Variants in AOPEP observed in about 807,000 individuals in gnomAD.
AOPEP encodes aminopeptidase O.
A neutral mutation model predicts 98.1 loss-of-function variants in AOPEP; 77 were observed. The ratio of observed to expected loss-of-function variants is 0.78; its 90% confidence interval spans 0.65 to 0.95. The LOEUF (loss-of-function observed/expected upper bound fraction) is 0.95, where lower values mean the gene tolerates loss of function less well. Ranked by LOEUF, AOPEP falls within the 40% of genes least tolerant of loss-of-function variation. The pLI, the probability that AOPEP is intolerant of heterozygous loss-of-function variation, is 0.00. For missense variants in AOPEP, 1,024 were observed against 1,024.7 expected (o/e 1.00, Z 0.01); for synonymous variants, 346 against 365.3 (o/e 0.95, Z 0.60).
At chr9:95,111,342 C>T in the AOPEP span, 1 of 1,598,042 alleles carries the variant, frequency 6.3e-7, no homozygotes, top group Non-Finnish European at 8.5e-7. Context: ...ATGACATATG[C>T]CATCTGTGGG....
intron 7 of AOPEP, chr9:94,933,472 T>G (rs941526083): frequency 1.0e-6 from 1 of 985,302 alleles, no homozygotes; most frequent in African/African-American, 1.7e-5. Flanking sequence ...TTTAAGGAGG[T>G]GCAACAGGCA....
At chr9:94,997,880 G>C (rs1387288659) in intron 11 of AOPEP, among the ~76,000 whole-genome samples, 4 of 151,826 alleles carry the variant, frequency 2.6e-5, no homozygotes, top group Non-Finnish European at 2.9e-5. Context: ...TTCATTTTTT[G>C]TAGAGATGGG....
chr9:94,914,326 C>A (rs528696760), intron 5 of AOPEP, among the ~76,000 whole-genome samples: 1 of 152,290 alleles, frequency 6.6e-6, no homozygotes, highest in African/African-American at 2.4e-5. Flanking sequence ...TCTGAAAGGA[C>A]CAGCTCCGAT....
chr9:95,141,205 G>T, the AOPEP span, among the ~76,000 whole-genome samples: 51 of 151,208 alleles, frequency 3.4e-4, no homozygotes, highest in African/African-American at 1.1e-3. Flanking sequence ...CCAGCCACTC[G>T]GGAGGCTGAG....
intron 5 of AOPEP, chr9:94,921,054 A>G (rs1403510624): frequency 2.0e-5 from 3 of 147,688 alleles, no homozygotes; most frequent in African/African-American, 7.6e-5. Flanking sequence ...GGGAAAAATA[A>G]TCAACTCTGT....
chr9:95,086,399 G>T lies in AOPEP; in HGVS notation c.*5-283G>T, dbSNP rs116101278. 9.0e-4 allele frequency: 884 copies of T among 985,436 alleles called. 14 individuals carry two copies. The African/African-American group carries it at 0.014, about 15-fold the overall frequency. 61.0% of individuals were successfully genotyped at this position (985,436 alleles called of 1,614,324 possible). A position where few individuals can be genotyped will look rare whatever the true frequency, so the allele number is the denominator to read the frequency against. ...GGCGAGGTGAGCTGAGACTTTCTGA[G>T]AACAGTTAGAGTGGGTGCGTGTCTG... is the stretch of plus-strand genomic sequence containing the variant. On this transcript the variant is annotated intron_variant, in intron 16 of 16. Coordinates refer to ENST00000375315, the MANE Select transcript of AOPEP (RefSeq NM_001193329.3).
At chr9:95,029,605 G>C (rs1388878657) in intron 13 of AOPEP, among the ~76,000 whole-genome samples, 1 of 152,122 alleles carries the variant, frequency 6.6e-6, no homozygotes, top group Non-Finnish European at 1.5e-5. Context: ...GCACTGATTG[G>C]AGTTTCTAAG....
intron 13 of AOPEP, among the ~76,000 whole-genome samples, chr9:95,016,659 C>G (rs910447345): frequency 1.3e-5 from 2 of 151,836 alleles, no homozygotes; most frequent in African/African-American, 4.8e-5. Context: ...GTCACCCAGG[C>G]TTAAGTCCAA....
At chr9:94,806,907 G>A (rs2133880317) in intron 5 of AOPEP, among the ~76,000 whole-genome samples, 1 of 152,326 alleles carries the variant, frequency 6.6e-6, no homozygotes, top group African/African-American at 2.4e-5. Flanking sequence ...CTTAGAAGCA[G>A]GAAGTCAGGG....
chr9:95,076,330 A>C lies in AOPEP; in HGVS notation c.2233-4364A>C, dbSNP rs140125853. ...ATGTACACACTGATCTGGACACCCC[A>C]CATCTAGGAAGTTGCACACAGATAC... On this transcript the variant is annotated intron_variant, in intron 14 of 16. Transcript: ENST00000375315. Among the ~76,000 whole-genome samples, 577 of 152,270 alleles carry C rather than the reference A, an allele frequency of 3.8e-3. 6 individuals are homozygous for C. Among genetic ancestry groups the C allele is most frequent in the African/African-American group, 0.014 (561 of 41,518 alleles).
intron 12 of AOPEP, 114 bp from the exon 13 acceptor site, chr9:95,005,428 C>G (rs533765174): frequency 1.1e-5 from 12 of 1,133,090 alleles, no homozygotes; most frequent in African/African-American, 1.5e-5. Context: ...GGTGGCCTCC[C>G]GAGGTGCGGG....
the AOPEP span, among the ~76,000 whole-genome samples, chr9:95,119,178 TGCC>T: frequency 6.6e-6 from 1 of 152,238 alleles, no homozygotes; most frequent in Non-Finnish European, 1.5e-5. Flanking sequence ...ATGTGCTTAC[TGCC>T]AACTTATGTA....
chr9:94,899,841 A>T (rs1316294121), intron 5 of AOPEP, among the ~76,000 whole-genome samples: 1 of 152,182 alleles, frequency 6.6e-6, no homozygotes, highest in Non-Finnish European at 1.5e-5. Flanking sequence ...GCATTACAAA[A>T]TTTTTAGACG....
intron 14 of AOPEP, among the ~76,000 whole-genome samples, chr9:95,061,483 C>A (rs2067312092): frequency 6.6e-6 from 1 of 152,174 alleles, no homozygotes; most frequent in African/African-American, 2.4e-5. Flanking sequence ...TAAAACTGTG[C>A]AGTCTAGTAC....
chr9:94,849,580 T>G (rs934210709), intron 5 of AOPEP, among the ~76,000 whole-genome samples: 4 of 151,268 alleles, frequency 2.6e-5, no homozygotes, highest in African/African-American at 9.8e-5. Context: ...ATCAGGGACC[T>G]GTTTTGTGGA....
intron 5 of AOPEP, among the ~76,000 whole-genome samples, chr9:94,917,848 T>C (rs1313868985): frequency 6.6e-6 from 1 of 152,210 alleles, no homozygotes. Context: ...TGAGCTTCCT[T>C]CGTCTTATTT....
chr9:94,998,507 A>G (rs1395385325), intron 11 of AOPEP, among the ~76,000 whole-genome samples: 1 of 152,164 alleles, frequency 6.6e-6, no homozygotes, highest in Non-Finnish European at 1.5e-5. Flanking sequence ...GCTTCTGGTA[A>G]TGTTGTATTG....
At chr9:95,117,408 A>G in the AOPEP span, 1 of 1,608,958 alleles carries the variant, frequency 6.2e-7, no homozygotes, top group Non-Finnish European at 8.5e-7. Flanking sequence ...AGGATGGAAA[A>G]TCCAAAGAGC....
chr9:94,852,718 C>G (rs2043704150), intron 5 of AOPEP, among the ~76,000 whole-genome samples: 1 of 152,176 alleles, frequency 6.6e-6, no homozygotes, highest in Non-Finnish European at 1.5e-5. Context: ...TCATTTTATT[C>G]TTACGTATTT....
Sources: allele counts gnomAD v4.1 joint callset (sites outside exome capture counted in the v4.1 genomes callset), GRCh38; gene constraint gnomAD v4.1.1; transcripts MANE v1.5; gene names NCBI Gene and HGNC (gene_info 2026-07-23, HGNC 2026-07-21).